ADGRB3: variants seen among roughly 807,000 people sequenced by gnomAD.
The protein encoded by ADGRB3 is brain-specific angiogenesis inhibitor 3.
In ADGRB3, 37 loss-of-function variants were observed where a neutral mutation model predicts 193.4. The observed-to-expected ratio is 0.19, with a 90% CI of 0.15 to 0.25. The LOEUF (loss-of-function observed/expected upper bound fraction) is 0.25. Among genes scored for constraint, ADGRB3 ranks in the 10% least tolerant of loss-of-function variants. The pLI, the probability that ADGRB3 is intolerant of heterozygous loss-of-function variation, is 1.00. For missense variants in ADGRB3, 1,637 were observed against 1,852.9 expected, an observed-to-expected ratio of 0.88 and a Z score of 2.14; for synonymous variants, 690 against 644.2, an observed-to-expected ratio of 1.07 and a Z score of -1.08.
In ADGRB3 at chr6:69,105,683, T is replaced by C. The variant is rs188564809; in HGVS notation, c.2480+29645T>C. Among the ~76,000 whole-genome samples, 147 of 152,290 alleles carry C rather than the reference T, an allele frequency of 9.7e-4. 1 individual carries two copies. Among genetic ancestry groups the C allele is most frequent in the African/African-American group, 3.5e-3 (144 of 41,556 alleles). The stretch of plus-strand genomic sequence containing the variant: ...ATTTAATATCCCAAAAATCATATAA[T>C]GCAGTTACTAGTTTTATCTCTCTTT... On this transcript the variant is annotated intron_variant, in intron 17 of 31. Coordinates refer to ENST00000370598, the MANE Select transcript of ADGRB3 (RefSeq NM_001704.3).
intron 3 of ADGRB3, among the ~76,000 whole-genome samples, chr6:68,827,801 G>A (rs1767873411): frequency 6.6e-6 from 1 of 152,056 alleles, no homozygotes; most frequent in African/African-American, 2.4e-5. Flanking sequence ...GCATAATCTA[G>A]CCCCTTTCTC....
intron 11 of ADGRB3, among the ~76,000 whole-genome samples, chr6:68,997,691 A>T (rs1343227517): frequency 6.6e-6 from 1 of 151,270 alleles, no homozygotes; most frequent in Non-Finnish European, 1.5e-5. Flanking sequence ...AAATAAAATT[A>T]TGAATTAGGA....
At chr6:68,949,792 T>C (rs1402472045) in intron 6 of ADGRB3, among the ~76,000 whole-genome samples, 1 of 152,206 alleles carries the variant, frequency 6.6e-6, no homozygotes, top group Non-Finnish European at 1.5e-5. Context: ...GCTTTTTCAG[T>C]TCTTAGCTTA....
intron 26 of ADGRB3, among the ~76,000 whole-genome samples, chr6:69,343,267 C>T (rs2127321696): frequency 6.7e-6 from 1 of 150,344 alleles, no homozygotes; most frequent in Non-Finnish European, 1.5e-5. Context: ...ATGTGCCATG[C>T]TGGTGCGCTG....
chr6:69,073,791 A>G (rs1361348365), intron 16 of ADGRB3, among the ~76,000 whole-genome samples: 1 of 152,164 alleles, frequency 6.6e-6, no homozygotes, highest in Non-Finnish European at 1.5e-5. Context: ...GTTAGTGGGC[A>G]GGTGAAAACC....
intron 3 of ADGRB3, among the ~76,000 whole-genome samples, chr6:68,872,235 T>G (rs1488855809): frequency 6.6e-6 from 1 of 152,164 alleles, no homozygotes; most frequent in Non-Finnish European, 1.5e-5. Flanking sequence ...ATAATTTTTT[T>G]GAAGACAAGT....
chr6:68,968,748 A>AT (rs1301233102), intron 8 of ADGRB3, among the ~76,000 whole-genome samples: 1 of 152,146 alleles, frequency 6.6e-6, no homozygotes, highest in East Asian at 1.9e-4. Flanking sequence ...TTCATGATGT[A>AT]TTTTTTGAAC....
intron 3 of ADGRB3, among the ~76,000 whole-genome samples, chr6:68,731,220 A>G (rs986879055): frequency 6.6e-6 from 1 of 151,696 alleles, no homozygotes; most frequent in African/African-American, 2.4e-5. Context: ...TTATTTTACC[A>G]TGAAGAATGT....
intron 20 of ADGRB3, among the ~76,000 whole-genome samples, chr6:69,324,496 A>T (rs185619190): frequency 5.3e-5 from 8 of 152,278 alleles, no homozygotes; most frequent in Admixed American, 2.0e-4. Context: ...AAGAATAAAG[A>T]ATGTAGCCAA....
At chr6:69,249,648 C>T (rs1190331844) in intron 20 of ADGRB3, among the ~76,000 whole-genome samples, 1 of 152,126 alleles carries the variant, frequency 6.6e-6, no homozygotes, top group East Asian at 1.9e-4. Context: ...TTTTACCTCT[C>T]TACCTCTATC....
rs562241328 is a variant in ADGRB3, at chr6:69,059,612, A to G, written c.2334-3322A>G. Among the ~76,000 whole-genome samples the G allele has an allele frequency of 2.0e-4, 31 of 152,290 alleles. 1 individual carries two copies. The South Asian group carries it at 5.2e-3, about 25-fold the overall frequency. On this transcript the variant is annotated intron_variant, in intron 15 of 31. Coordinates refer to ENST00000370598, the MANE Select transcript of ADGRB3 (RefSeq NM_001704.3). ...TGGCTGTCAGATCTGCTTTTCTAGC[A>G]GTGAATGCAAATGTGCAGCCAGCCA...
chr6:69,055,154 T>TA (rs1195772812), intron 15 of ADGRB3, among the ~76,000 whole-genome samples: 3 of 152,166 alleles, frequency 2.0e-5, no homozygotes, highest in Admixed American at 6.5e-5. Context: ...TTTATTGTGT[T>TA]AAAAAAACAT....
chr6:69,230,896 C>G (rs573219060), intron 17 of ADGRB3, among the ~76,000 whole-genome samples: 15 of 152,144 alleles, frequency 9.9e-5, no homozygotes, highest in Non-Finnish European at 1.9e-4. Context: ...CACTCAGATG[C>G]TATTGTATGT....
chr6:69,309,268 T>A (rs554771124), intron 20 of ADGRB3, among the ~76,000 whole-genome samples: 2 of 151,814 alleles, frequency 1.3e-5, no homozygotes, highest in Admixed American at 1.3e-4. Context: ...GAGATAAGAA[T>A]AAAAATGAGA....
At chr6:68,744,906 C>T (rs1766053505) in intron 3 of ADGRB3, among the ~76,000 whole-genome samples, 1 of 151,946 alleles carries the variant, frequency 6.6e-6, no homozygotes, top group Non-Finnish European at 1.5e-5. Context: ...TAGGAATAAA[C>T]AAAGAGAAAT....
chr6:69,053,540 T>C (rs1771459343), intron 15 of ADGRB3, among the ~76,000 whole-genome samples: 2 of 152,218 alleles, frequency 1.3e-5, no homozygotes, highest in South Asian at 4.1e-4. Flanking sequence ...GCACTGGGGC[T>C]GGCCTGGTGG....
rs1312252477 is a variant in ADGRB3, at chr6:69,341,484, A to T, written c.3459+1980A>T. On this transcript the variant is annotated intron_variant, in intron 26 of 31. Transcript: ENST00000370598. ...CATTCTATGTAGAAATTCAATGAAA[A>T]CCAATTAACAGTAACTTCACATTGC... is the stretch of plus-strand genomic sequence containing the variant. 2.0e-5 allele frequency among the ~76,000 whole-genome samples: 3 copies of T among 152,192 alleles called. No homozygotes were observed. The East Asian group carries it at 5.8e-4, about 29-fold the overall frequency.
chr6:68,988,450 C>A (rs529277813), intron 10 of ADGRB3, among the ~76,000 whole-genome samples: 1 of 152,178 alleles, frequency 6.6e-6, no homozygotes, highest in South Asian at 2.1e-4. Context: ...GAAATTTAGA[C>A]AGATTGTTAC....
intron 13 of ADGRB3, among the ~76,000 whole-genome samples, chr6:69,035,102 A>G (rs565612363): frequency 3.3e-5 from 5 of 152,190 alleles, no homozygotes; most frequent in Admixed American, 6.5e-5. Context: ...AATTTCTACT[A>G]TAATACCATT....
Sources: allele counts gnomAD v4.1 joint callset (sites outside exome capture counted in the v4.1 genomes callset), GRCh38; gene constraint gnomAD v4.1.1; transcripts MANE v1.5; gene names NCBI Gene and HGNC (gene_info 2026-07-23, HGNC 2026-07-21).